Variants in KCNJ3 observed in about 807,000 individuals in gnomAD.
KCNJ3 encodes the protein G protein-activated inward rectifier potassium channel 1.
A neutral mutation model predicts 39.2 loss-of-function variants in KCNJ3; 4 were observed. That is an observed-to-expected ratio of 0.10 (90% CI 0.05 to 0.23). The LOEUF is 0.23. Among genes scored for constraint, KCNJ3 ranks in the 10% least tolerant of loss-of-function variants. The pLI is 1.00. For synonymous variants in KCNJ3, 230 were observed against 237.4 expected, an observed-to-expected ratio of 0.97 and a Z score of 0.29; for missense variants, 276 against 634.9, an observed-to-expected ratio of 0.43 and a Z score of 6.08.
rs1687872270 is a variant in KCNJ3, at chr2:154,857,999, T to TGGC, written c.*2687_*2689dup. 1 of 147,702 alleles carries TGGC rather than the reference T, an allele frequency of 6.8e-6. No homozygotes were observed. The highest frequency in any genetic ancestry group is 1.5e-5 in the Non-Finnish European group (1 of 67,178). The allele number at this position is 147,702 out of a possible 1,614,324, so 9.1% of individuals were successfully genotyped here. On this transcript the variant is annotated 3_prime_UTR_variant, in exon 3 of 3. Transcript: ENST00000295101. ...AATTGATTATTTTAGAAAATGTGAC[T>TGGC]GGCTTAGGACGGGGATAATATGTGA...
At chr2:154,847,007 A>C (rs975284621) in intron 2 of KCNJ3, among the ~76,000 whole-genome samples, 1 of 152,158 alleles carries the variant, frequency 6.6e-6, no homozygotes, top group Non-Finnish European at 1.5e-5. Context: ...ATAGAGGATA[A>C]TATTGAGTTG....
chr2:154,801,811 G>C (rs1387699627), intron 2 of KCNJ3, among the ~76,000 whole-genome samples: 1 of 152,000 alleles, frequency 6.6e-6, no homozygotes, highest in Non-Finnish European at 1.5e-5. Flanking sequence ...ATTTTTAGTA[G>C]AGACAGGATT....
At chr2:154,762,243 A>G (rs773353658) in intron 2 of KCNJ3, among the ~76,000 whole-genome samples, 30 of 152,334 alleles carry the variant, frequency 2.0e-4, no homozygotes, top group Admixed American at 1.2e-3. Flanking sequence ...ATACCTTGTA[A>G]TGAAATTGTT....
chr2:154,751,503 G>T (rs550169141), intron 2 of KCNJ3, among the ~76,000 whole-genome samples: 1 of 151,896 alleles, frequency 6.6e-6, no homozygotes, highest in Non-Finnish European at 1.5e-5. Flanking sequence ...TATATGATCT[G>T]CATCCATTCA....
chr2:154,708,566 T>A (rs1472665570), intron 1 of KCNJ3, among the ~76,000 whole-genome samples: 8 of 152,286 alleles, frequency 5.3e-5, no homozygotes, highest in African/African-American at 1.7e-4. Flanking sequence ...CCCCCATTTT[T>A]TTCTGTATTT....
intron 2 of KCNJ3, among the ~76,000 whole-genome samples, chr2:154,813,641 T>C (rs956084157): frequency 6.6e-6 from 1 of 152,250 alleles, no homozygotes; most frequent in Admixed American, 6.5e-5. Context: ...ATGTATTATG[T>C]AAATTTGTAC....
At chr2:154,723,429 G>C (rs1188368182) in intron 2 of KCNJ3, among the ~76,000 whole-genome samples, 1 of 152,174 alleles carries the variant, frequency 6.6e-6, no homozygotes, top group Non-Finnish European at 1.5e-5. Flanking sequence ...GTAGGTTGTG[G>C]ATAGCTGAGA....
chr2:154,753,010 T>C (rs1685873417), intron 2 of KCNJ3, among the ~76,000 whole-genome samples: 1 of 152,088 alleles, frequency 6.6e-6, no homozygotes, highest in East Asian at 1.9e-4. Context: ...TCAGTTATTG[T>C]TCTAAGACAG....
chr2:154,721,315 C>T (rs1194596381), intron 2 of KCNJ3, among the ~76,000 whole-genome samples: 8 of 152,134 alleles, frequency 5.3e-5, no homozygotes, highest in East Asian at 1.9e-4. Context: ...GCACACTGAT[C>T]TATTGGTTTT....
intron 2 of KCNJ3, among the ~76,000 whole-genome samples, chr2:154,839,663 T>C (rs1049779531): frequency 1.3e-5 from 2 of 152,248 alleles, no homozygotes; most frequent in African/African-American, 4.8e-5. Context: ...GTGGTTTTGA[T>C]TTGCATTTCT....
chr2:154,718,167 G>T (rs1685212337), intron 2 of KCNJ3, among the ~76,000 whole-genome samples: 4 of 152,096 alleles, frequency 2.6e-5, no homozygotes, highest in Admixed American at 2.6e-4. Context: ...GTTCTTCCTG[G>T]AAATTTCTAT....
At chr2:154,834,639 G>C (rs1181158374) in intron 2 of KCNJ3, among the ~76,000 whole-genome samples, 2 of 150,754 alleles carry the variant, frequency 1.3e-5, no homozygotes, top group Non-Finnish European at 3.0e-5. Flanking sequence ...TGAGACAGGA[G>C]AATGGCGTGA....
intron 2 of KCNJ3, among the ~76,000 whole-genome samples, chr2:154,805,788 A>G (rs1257427706): frequency 6.6e-6 from 1 of 152,172 alleles, no homozygotes; most frequent in Non-Finnish European, 1.5e-5. Context: ...TCAAATTTAC[A>G]TGAAGTGATT....
chr2:154,819,524 T>TTTTA lies in KCNJ3; in HGVS notation c.920-35183_920-35180dup, dbSNP rs570159050. ...CTAAACACAATAACATTTTATTTAT[T>TTTTA]TTTATTTATTTATTTATTTATTTTT... On this transcript the variant is annotated intron_variant, in intron 2 of 2. Transcript: ENST00000295101. Among the ~76,000 whole-genome samples the TTTTA allele has an allele frequency of 9.1e-3, 1,390 of 151,968 alleles. 19 individuals carry two copies. The highest frequency in any genetic ancestry group is 0.03 in the African/African-American group (1,257 of 41,458).
At chr2:154,720,227 C>T (rs2105159287) in intron 2 of KCNJ3, among the ~76,000 whole-genome samples, 1 of 151,966 alleles carries the variant, frequency 6.6e-6, no homozygotes, top group African/African-American at 2.4e-5. Context: ...CTTTGTTGTC[C>T]AGGGGTGACT....
rs190008671 is a variant in KCNJ3, at chr2:154,732,569, C to T, written c.919+22750C>T. On this transcript the variant is annotated intron_variant, in intron 2 of 2. Transcript: ENST00000295101. ...GAAGTTTTGTGTGGTAAAAAATTAT[C>T]ATCAGGTTCTGCTGATAGGTAATGC... Among the ~76,000 whole-genome samples, 36 of 152,154 alleles carry T rather than the reference C, an allele frequency of 2.4e-4. 1 individual carries two copies. The East Asian group carries it at 6.0e-3, about 25-fold the overall frequency.
At chr2:154,853,144 G>GAA (rs1170092487) in intron 2 of KCNJ3, among the ~76,000 whole-genome samples, 2 of 131,542 alleles carry the variant, frequency 1.5e-5, no homozygotes, top group Non-Finnish European at 3.3e-5. Context: ...GATTAGAATG[G>GAA]AAAAAAAAAA....
intron 2 of KCNJ3, among the ~76,000 whole-genome samples, chr2:154,739,257 C>T (rs929218496): frequency 6.6e-6 from 1 of 151,940 alleles, no homozygotes; most frequent in Non-Finnish European, 1.5e-5. Context: ...TATTTTTATA[C>T]GATAACCACT....
chr2:154,705,898 C>G (rs980122994), intron 1 of KCNJ3, among the ~76,000 whole-genome samples: 3 of 151,876 alleles, frequency 2.0e-5, no homozygotes, highest in African/African-American at 7.2e-5. Context: ...TATTTCCTTC[C>G]CAAGATTCTA....
Sources: gnomAD v4.1 joint callset for allele counts (sites outside exome capture counted in the v4.1 genomes callset) on GRCh38, gnomAD v4.1.1 for gene constraint, MANE v1.5 for transcripts, NCBI Gene and HGNC (gene_info 2026-07-23, HGNC 2026-07-21) for gene names.